The following RLIG1 variants were observed in gnomAD, a reference collection of about 807,000 sequenced individuals.
RLIG1 encodes the protein RNA 5'-phosphate and 3'-OH ligase 1.
the RLIG1 span, among the ~76,000 whole-genome samples, chr12:88,043,340 A>G: frequency 6.6e-6 from 1 of 152,062 alleles, no homozygotes; most frequent in African/African-American, 2.4e-5. Context: ...AAATTCATAA[A>G]TCTAATACTT....
chr12:88,043,293 T>G, the RLIG1 span, among the ~76,000 whole-genome samples: 2 of 152,134 alleles, frequency 1.3e-5, no homozygotes, highest in African/African-American at 4.8e-5. Context: ...TATGCATTCA[T>G]GTATTTATGT....
the RLIG1 span, among the ~76,000 whole-genome samples, chr12:88,036,643 C>T: frequency 6.6e-6 from 1 of 152,164 alleles, no homozygotes; most frequent in Non-Finnish European, 1.5e-5. Flanking sequence ...TTCCATTCAC[C>T]TTGATGCTTT....
At chr12:88,049,284 T>G in the RLIG1 span, 213 of 1,608,644 alleles carry the variant, frequency 1.3e-4, 1 homozygote, top group Non-Finnish European at 1.7e-4. Context: ...TTCTGAAAGT[T>G]TTTTTACCTT....
the RLIG1 span, among the ~76,000 whole-genome samples, chr12:88,047,701 C>T: frequency 2.6e-5 from 4 of 152,094 alleles, no homozygotes; most frequent in Non-Finnish European, 4.4e-5. Flanking sequence ...ATATTACTTT[C>T]CTGCATAAAT....
chr12:88,045,385 C>T, the RLIG1 span: 1 of 540,212 alleles, frequency 1.9e-6, no homozygotes, highest in Non-Finnish European at 3.3e-6. Context: ...GTTAATTCTA[C>T]AGAATAAAAA....
At chr12:88,039,573 T>C in the RLIG1 span, among the ~76,000 whole-genome samples, 1 of 152,178 alleles carries the variant, frequency 6.6e-6, no homozygotes, top group African/African-American at 2.4e-5. Context: ...TCCTCAGATA[T>C]TTACATGGTA....
chr12:88,038,426 A>G, the RLIG1 span, among the ~76,000 whole-genome samples: 2 of 152,244 alleles, frequency 1.3e-5, no homozygotes, highest in Non-Finnish European at 2.9e-5. Flanking sequence ...AAAGTAAACA[A>G]TTCATCAGAC....
At chr12:88,047,945 C>A in the RLIG1 span, among the ~76,000 whole-genome samples, 1 of 152,100 alleles carries the variant, frequency 6.6e-6, no homozygotes, top group African/African-American at 2.4e-5. Context: ...CTCTATGATT[C>A]ATAACATTTT....
At chr12:88,041,226 C>T in the RLIG1 span, among the ~76,000 whole-genome samples, 126 of 152,272 alleles carry the variant, frequency 8.3e-4, no homozygotes, top group Non-Finnish European at 1.1e-3. Flanking sequence ...GCTTATTTCA[C>T]TTAGCATAAT....
the RLIG1 span, chr12:88,035,873 TGG>T: frequency 1.4e-4 from 209 of 1,507,270 alleles, no homozygotes; most frequent in Admixed American, 7.8e-4. Flanking sequence ...TAGGTTTCCC[TGG>T]GGAGGTCTGG....
chr12:88,043,683 A>AC, the RLIG1 span: 1 of 1,612,726 alleles, frequency 6.2e-7, no homozygotes, highest in Non-Finnish European at 8.5e-7. Context: ...ATAAATGGGA[A>AC]CCCAGTGCCT....
At chr12:88,035,951 T>G in the RLIG1 span, 1 of 1,522,564 alleles carries the variant, frequency 6.6e-7, no homozygotes, top group Non-Finnish European at 8.8e-7. Context: ...GGGAGGGAAT[T>G]TGCGAAAGAA....
At chr12:88,046,160 C>A in the RLIG1 span, among the ~76,000 whole-genome samples, 1 of 151,972 alleles carries the variant, frequency 6.6e-6, no homozygotes, top group Non-Finnish European at 1.5e-5. Context: ...ATGAATAATA[C>A]CATGTTAAGT....
chr12:88,049,135 C>CTT, the RLIG1 span: 2 of 1,132,050 alleles, frequency 1.8e-6, no homozygotes, highest in Non-Finnish European at 2.6e-6. Flanking sequence ...GTATATTTAA[C>CTT]TTATAAAGTT....
chr12:88,038,515 A>C, the RLIG1 span, among the ~76,000 whole-genome samples: 1 of 152,198 alleles, frequency 6.6e-6, no homozygotes, highest in East Asian at 1.9e-4. Flanking sequence ...GATTTGTTTT[A>C]TAGAGGCAAT....
the RLIG1 span, chr12:88,035,538 G>A: frequency 9.0e-7 from 1 of 1,113,670 alleles, no homozygotes. Flanking sequence ...GGCTGGGCGC[G>A]GAGTGTGCGT....
the RLIG1 span, chr12:88,036,010 C>T: frequency 6.7e-7 from 1 of 1,492,918 alleles, no homozygotes; most frequent in South Asian, 1.2e-5. Context: ...AAATGGATAA[C>T]TCACATCCAC....
the RLIG1 span, chr12:88,048,979 A>G: frequency 2.8e-6 from 1 of 358,716 alleles, no homozygotes; most frequent in Non-Finnish European, 5.0e-6. Flanking sequence ...TGCCTATTTG[A>G]TGGCTGTAAC....
At chr12:88,045,741 T>G in the RLIG1 span, 1 of 1,613,196 alleles carries the variant, frequency 6.2e-7, no homozygotes, top group Non-Finnish European at 8.5e-7. Flanking sequence ...GAACAAACAC[T>G]GGAACTCATA....
Sources: allele counts gnomAD v4.1 joint callset (sites outside exome capture counted in the v4.1 genomes callset), GRCh38; gene constraint gnomAD v4.1.1; transcripts MANE v1.5; gene names NCBI Gene and HGNC (gene_info 2026-07-23, HGNC 2026-07-21).